MYOM1: variants seen among roughly 807,000 people sequenced by gnomAD.
The protein encoded by MYOM1 is myomesin-1.
Under a neutral mutation model 205.3 loss-of-function variants are expected in MYOM1, and 164 were observed. That is an observed-to-expected ratio of 0.80 (90% CI 0.70 to 0.91). The LOEUF (loss-of-function observed/expected upper bound fraction) is 0.91, where lower values mean the gene tolerates loss of function less well. Ranked by LOEUF, MYOM1 falls within the 40% of genes least tolerant of loss-of-function variation. The pLI, the probability that MYOM1 is intolerant of heterozygous loss-of-function variation, is 0.00. For synonymous variants in MYOM1, 772 were observed against 789.4 expected, an observed-to-expected ratio of 0.98 and a Z score of 0.37; for missense variants, 2,011 against 2,127.3, an observed-to-expected ratio of 0.95 and a Z score of 1.08.
At chr18:3,165,199 TA>T (rs1166894283) in intron 9 of MYOM1, among the ~76,000 whole-genome samples, 1 of 152,178 alleles carries the variant, frequency 6.6e-6, no homozygotes, top group Non-Finnish European at 1.5e-5. Context: ...GAATCTAGAA[TA>T]AAGGGACAAT....
At chr18:3,087,679 G>A (rs1361185991) in intron 29 of MYOM1, among the ~76,000 whole-genome samples, 1 of 151,912 alleles carries the variant, frequency 6.6e-6, no homozygotes, top group African/African-American at 2.4e-5. Flanking sequence ...TAGTAGAGAC[G>A]GGGTTTCACC....
chr18:3,075,558 C>T, intron 35 of MYOM1, 82 bp from the exon 36 acceptor site: 1 of 1,497,704 alleles, frequency 6.7e-7, no homozygotes, highest in Non-Finnish European at 9.3e-7. Flanking sequence ...ACGACATTTT[C>T]CTTGCCTCAG....
At chr18:3,101,760 A>G (rs1403530182) in intron 23 of MYOM1, among the ~76,000 whole-genome samples, 1 of 152,182 alleles carries the variant, frequency 6.6e-6, no homozygotes, top group Non-Finnish European at 1.5e-5. Context: ...GCTGATCTTT[A>G]TGTCAATTGA....
chr18:3,168,634 G>A (rs914836212), intron 9 of MYOM1, among the ~76,000 whole-genome samples, 183 bp downstream of exon 9: 1 of 152,122 alleles, frequency 6.6e-6, no homozygotes, highest in African/African-American at 2.4e-5. Flanking sequence ...CTTGTTAAAA[G>A]GAAAATATCA....
At position 3,140,276 on chromosome 18, in the gene MYOM1, T is replaced by G. The variant is rs557583626; in HGVS notation, c.2025+1663A>C. Among the ~76,000 whole-genome samples the G allele has an allele frequency of 2.4e-3, 361 of 152,030 alleles. 2 individuals are homozygous for G. Among genetic ancestry groups the G allele is most frequent in the South Asian group, 0.012 (59 of 4,818 alleles). ...ACAAAATTTAGCCAGGCGTGGTGGC[T>G]CACGCCTGTAATCCCAGCTACTAGG... On this transcript the variant is annotated intron_variant, in intron 14 of 37. Transcript: ENST00000356443.
chr18:3,089,441 T>C, intron 28 of MYOM1, 96 bp downstream of exon 28: 3 of 916,772 alleles, frequency 3.3e-6, no homozygotes, highest in Non-Finnish European at 4.9e-6. Flanking sequence ...ATTAACATAA[T>C]CAATAATATT....
intron 13 of MYOM1, among the ~76,000 whole-genome samples, chr18:3,144,221 A>C (rs114178097): frequency 0.016 from 2,410 of 152,224 alleles, 72 homozygotes; most frequent in African/African-American, 0.054. Flanking sequence ...ACAAACAAAA[A>C]AAGGCACTGT....
At chr18:3,241,405 T>C in the MYOM1 span, among the ~76,000 whole-genome samples, 1 of 152,210 alleles carries the variant, frequency 6.6e-6, no homozygotes, top group Admixed American at 6.5e-5. Flanking sequence ...GCTCGGGCCG[T>C]GGCCTCAAAG....
In MYOM1 at chr18:3,142,069, AAAC is replaced by A. The variant is rs764575615; in HGVS notation, c.1901-9_1901-7del. 21 of 1,612,748 alleles carry A rather than the reference AAAC, an allele frequency of 1.3e-5. No individual in the cohort carries two copies. The East Asian group carries it at 3.3e-4, about 26-fold the overall frequency. On this transcript the variant is annotated splice_region_variant and splice_polypyrimidine_tract_variant and intron_variant, in intron 13 of 37. Transcript: ENST00000356443. ...GGGGCCAGGCACAATACCCTCTGAA[AAAC>A]AACAAGGAAAAATGAGAAGCACACA...
At position 3,188,461 on chromosome 18, in the gene MYOM1, A is replaced by AAAAAAAAC. The variant is rs564275878; in HGVS notation, c.771+286_771+287insGTTTTTTT. ...GCGAAACCCCACCTCTACCAGAAAA[A>AAAAAAAAC]AAAAAACAACAACGAAAATTAGCTG... On this transcript the variant is annotated intron_variant, in intron 4 of 37. Transcript: ENST00000356443. 6.6e-4 allele frequency among the ~76,000 whole-genome samples: 100 copies of AAAAAAAAC among 150,702 alleles called. 1 individual carries two copies. The Middle Eastern group carries it at 0.01, about 16-fold the overall frequency.
At chr18:3,195,604 G>A (rs944168673) in intron 2 of MYOM1, among the ~76,000 whole-genome samples, 1 of 152,030 alleles carries the variant, frequency 6.6e-6, no homozygotes, top group Admixed American at 6.5e-5. Context: ...TTTCTCTCCT[G>A]TTTTTCTGCT....
At chr18:3,073,072 C>G (rs1275678798) in intron 36 of MYOM1, among the ~76,000 whole-genome samples, 3 of 151,122 alleles carry the variant, frequency 2.0e-5, no homozygotes, top group Admixed American at 2.0e-4. Context: ...CTTGGCTTCC[C>G]AAAGTGTTAG....
intron 16 of MYOM1, among the ~76,000 whole-genome samples, chr18:3,131,796 T>C (rs1455039903): frequency 6.6e-6 from 1 of 151,844 alleles, no homozygotes; most frequent in Admixed American, 6.6e-5. Flanking sequence ...TCAGGTAATA[T>C]ATATACTTTA....
At chr18:3,175,003 C>T (rs189080839) in intron 6 of MYOM1, among the ~76,000 whole-genome samples, 135 of 152,022 alleles carry the variant, frequency 8.9e-4, no homozygotes, top group African/African-American at 3.1e-3. Context: ...ACCAGTTTCT[C>T]GTGTTCTTCA....
intron 12 of MYOM1, among the ~76,000 whole-genome samples, chr18:3,150,289 T>C (rs1356975239): frequency 6.6e-6 from 1 of 152,170 alleles, no homozygotes; most frequent in African/African-American, 2.4e-5. Flanking sequence ...CACGAACTCC[T>C]GACCTCAGGT....
intron 2 of MYOM1, among the ~76,000 whole-genome samples, chr18:3,203,786 C>T (rs1179800077): frequency 1.3e-5 from 2 of 150,110 alleles, no homozygotes; most frequent in Non-Finnish European, 3.0e-5. Context: ...TCTACAAGGT[C>T]AGTATTACAT....
intron 20 of MYOM1, among the ~76,000 whole-genome samples, chr18:3,118,451 T>C (rs114522379): frequency 0.019 from 2,944 of 151,974 alleles, 96 homozygotes; most frequent in African/African-American, 0.067. Flanking sequence ...GCTCAAGCAA[T>C]CCTCCTGAGT....
At chr18:3,191,753 TGG>T (rs2080909135) in intron 3 of MYOM1, among the ~76,000 whole-genome samples, 2 of 151,838 alleles carry the variant, frequency 1.3e-5, no homozygotes, top group Non-Finnish European at 2.9e-5. Flanking sequence ...TGGAGTGCAG[TGG>T]CGTGATCTCA....
chr18:3,113,143 A>T (rs2079552491), intron 21 of MYOM1, among the ~76,000 whole-genome samples: 1 of 151,798 alleles, frequency 6.6e-6, no homozygotes, highest in Non-Finnish European at 1.5e-5. Flanking sequence ...AAGCATTTAT[A>T]ATTTATTTTT....
Sources: gnomAD v4.1 joint callset for allele counts (sites outside exome capture counted in the v4.1 genomes callset) on GRCh38, gnomAD v4.1.1 for gene constraint, MANE v1.5 for transcripts, NCBI Gene and HGNC (gene_info 2026-07-23, HGNC 2026-07-21) for gene names.